Variants in BAHD1 observed in about 807,000 individuals in gnomAD.
BAHD1 encodes the protein bromo adjacent homology domain-containing 1 protein.
In BAHD1, 20 loss-of-function variants were observed where a neutral mutation model predicts 63.1. The ratio of observed to expected loss-of-function variants is 0.32; its 90% CI spans 0.22 to 0.46. The LOEUF (loss-of-function observed/expected upper bound fraction) is 0.46, where lower values mean the gene tolerates loss of function less well. Ranked by LOEUF, BAHD1 falls within the 20% of genes least tolerant of loss-of-function variation. The pLI is 1.00. For synonymous variants in BAHD1, 408 were observed against 426.8 expected, an observed-to-expected ratio of 0.96 and a Z score of 0.54; for missense variants, 939 against 1,071.8, an observed-to-expected ratio of 0.88 and a Z score of 1.73.
At position 40,458,350 on chromosome 15, in the gene BAHD1, A is replaced by G. The variant is rs1178615637; in HGVS notation, c.-14-101A>G. ...ACTGGAGACAGGGTAGTTGTAGGCC[A>G]GGATCACTGCACCTGGGGCTGGGTA... On this transcript the variant is annotated intron_variant, in intron 1 of 6. Coordinates refer to ENST00000416165, the MANE Select transcript of BAHD1 (RefSeq NM_014952.5). The surrounding 1 kb of genome is among the most constrained non-coding windows in gnomAD (Gnocchi z 4.7). 4.1e-6 allele frequency: 6 copies of G among 1,459,810 alleles called. No individual in the cohort carries two copies. In the East Asian group the frequency reaches 7.0e-5, roughly 17 times the overall value. 90.4% of individuals were successfully genotyped at this position (1,459,810 alleles called of 1,614,324 possible). A position where few individuals can be genotyped will look rare whatever the true frequency, so the allele number is the denominator to read the frequency against.
At chr15:40,451,777 T>C (rs1893710654) in intron 1 of BAHD1, among the ~76,000 whole-genome samples, 1 of 152,206 alleles carries the variant, frequency 6.6e-6, no homozygotes. Flanking sequence ...GGGGCAGGCT[T>C]AGCTGGGCTA....
chr15:40,449,479 G>A (rs534467336), intron 1 of BAHD1, among the ~76,000 whole-genome samples: 10 of 152,198 alleles, frequency 6.6e-5, no homozygotes, highest in African/African-American at 2.4e-4. Context: ...GCTTTCCAGA[G>A]GTAGCTGGGC....
chr15:40,445,445 G>A (rs957048309), intron 1 of BAHD1, among the ~76,000 whole-genome samples: 1 of 152,144 alleles, frequency 6.6e-6, no homozygotes, highest in Non-Finnish European at 1.5e-5. Flanking sequence ...TCACCTCTCT[G>A]TTCCAGCATC....
At position 40,464,041 on chromosome 15, in the gene BAHD1, G is replaced by C. The variant is rs368995400; in HGVS notation, c.1975+21G>C. On this transcript the variant is annotated intron_variant, in intron 4 of 6. Transcript: ENST00000416165. ...GTCAGGTACCTCTCCCTCTGGCTGGGGACCCAAGGGGCAGCTGCCTTCAGC... is the reference window on the plus strand; with the variant it reads ...GTCAGGTACCTCTCCCTCTGGCTGGCGACCCAAGGGGCAGCTGCCTTCAGC... The C allele has an allele frequency of 1.7e-5, 28 of 1,612,420 alleles. No individual in the cohort carries two copies. The African/African-American group carries it at 3.1e-4, about 18-fold the overall frequency.
intron 1 of BAHD1, among the ~76,000 whole-genome samples, chr15:40,452,035 A>G (rs901496916): frequency 6.6e-6 from 1 of 152,208 alleles, no homozygotes; most frequent in East Asian, 1.9e-4. Flanking sequence ...TTGTATAGCA[A>G]CTTCTAGATA....
rs564303133 is a variant in BAHD1, at chr15:40,463,884, A to T, written c.1839A>T (p.Arg613=). 1 of 1,614,226 alleles carries T rather than the reference A, an allele frequency of 6.2e-7. No homozygotes were observed. Among genetic ancestry groups the T allele is most frequent in the East Asian group, 2.2e-5 (1 of 44,886 alleles). The change falls in exon 4 of 7, where the codon CGA becomes CGT. Residue 613 remains arginine, a synonymous_variant. Transcript: ENST00000416165. ...YVLDEPEPAI[R]KSYQAVERHG... ...AGGATGAGCCGGAGCCAGCCATCCG[A>T]AAGAGCTACCAGGCGGTAGAGCGGC...
At chr15:40,465,147 G>T (rs747015623) in intron 5 of BAHD1, 188 bp from the exon 6 acceptor site, 2 of 596,820 alleles carry the variant, frequency 3.4e-6, no homozygotes, top group Non-Finnish European at 6.0e-6. Context: ...GAGAAGGGGG[G>T]GACCTAGAAG....
upstream of BAHD1, among the ~76,000 whole-genome samples, chr15:40,440,822 G>A (rs1387901424): frequency 6.6e-6 from 1 of 152,130 alleles, no homozygotes; most frequent in Non-Finnish European, 1.5e-5. Context: ...AGGGGGAGCC[G>A]AGGGCCGGAT....
At chr15:40,465,202 G>C in intron 5 of BAHD1, 133 bp from the exon 6 acceptor site, 1 of 735,278 alleles carries the variant, frequency 1.4e-6, no homozygotes, top group South Asian at 1.7e-5. Flanking sequence ...GGCATACTTA[G>C]GCTGAATTTC....
upstream of BAHD1, among the ~76,000 whole-genome samples, chr15:40,438,500 C>T (rs1893322020): frequency 6.6e-6 from 1 of 152,044 alleles, no homozygotes. Context: ...GTCAGAGCCT[C>T]CTGGGGCAGC....
chr15:40,441,676 C>T (rs1242760048), intron 1 of BAHD1, among the ~76,000 whole-genome samples: 11 of 147,576 alleles, frequency 7.5e-5, no homozygotes, highest in Admixed American at 7.4e-4. Flanking sequence ...TTCCTCGCCG[C>T]GGCGGAGCCG....
Position 40,459,812 on chromosome 15 carries a change from A to T in BAHD1, c.1348A>T (p.Ser450Cys), listed in dbSNP as rs201303207. 1 of 1,613,352 alleles carries T rather than the reference A, an allele frequency of 6.2e-7. No homozygotes were observed. Among genetic ancestry groups the T allele is most frequent in the Non-Finnish European group, 8.5e-7 (1 of 1,179,894 alleles). The change falls in exon 2 of 7, where the codon AGC becomes TGC. Residue 450 changes from serine to cysteine, a missense_variant. This residue lies in a region of BAHD1 where 797 missense variants were observed against 813.3 expected (regional missense o/e 0.98). Transcript: ENST00000416165. ...CGAGGACACTGGAGTGAATGGCTAC[A>T]GCATCTGCGGAGTGTTGCCCCTGTC... ...SSEDTGVNGYSICGVLPLSVT... is the reference protein window; with the variant it reads ...SSEDTGVNGYCICGVLPLSVT...
Position 40,459,099 on chromosome 15 carries a change from T to A in BAHD1, c.635T>A (p.Phe212Tyr). 1 of 1,612,984 alleles carries A rather than the reference T, an allele frequency of 6.2e-7. No individual in the cohort carries two copies. Among genetic ancestry groups the A allele is most frequent in the Non-Finnish European group, 8.5e-7 (1 of 1,179,828 alleles). Residue 212 changes from phenylalanine to tyrosine, a missense_variant, in exon 2 of 7, where the codon TTC becomes TAC. Physicochemically the swap from Phe to Tyr is conservative, Grantham distance 22. Coordinates refer to ENST00000416165, the MANE Select transcript of BAHD1 (RefSeq NM_014952.5). ...CTGGCTAGCCTGAACGCAGCTGCTTTCCTAAAACTGAGCCAGGAGCGGGAG... is the reference window on the plus strand; with the variant it reads ...CTGGCTAGCCTGAACGCAGCTGCTTACCTAAAACTGAGCCAGGAGCGGGAG... ...KRLASLNAAA[F>Y]LKLSQERELP...
At chr15:40,463,767 TGAG>T in intron 3 of BAHD1, 91 bp from the exon 4 acceptor site, 1 of 1,419,364 alleles carries the variant, frequency 7.0e-7, no homozygotes, top group Non-Finnish European at 9.6e-7. Context: ...TTGACTATCT[TGAG>T]GAAATCGTGG....
At chr15:40,461,567 G>C (rs917529025) in intron 2 of BAHD1, among the ~76,000 whole-genome samples, 1 of 152,056 alleles carries the variant, frequency 6.6e-6, no homozygotes, top group Non-Finnish European at 1.5e-5. Flanking sequence ...TTGAACCCGA[G>C]AGGCGGAGGT....
chr15:40,447,829 T>G (rs1426722122), intron 1 of BAHD1, among the ~76,000 whole-genome samples: 4 of 152,266 alleles, frequency 2.6e-5, no homozygotes, highest in African/African-American at 9.6e-5. Context: ...GGTAGATGCA[T>G]GGTTGGGGGT....
intron 1 of BAHD1, among the ~76,000 whole-genome samples, chr15:40,455,261 A>G (rs1275740856): frequency 6.6e-6 from 1 of 152,180 alleles, no homozygotes; most frequent in Non-Finnish European, 1.5e-5. Flanking sequence ...GCACCCTGTG[A>G]TTCAGACGCT....
At chr15:40,444,664 A>G (rs1893487357) in intron 1 of BAHD1, among the ~76,000 whole-genome samples, 1 of 152,134 alleles carries the variant, frequency 6.6e-6, no homozygotes, top group Non-Finnish European at 1.5e-5. Flanking sequence ...GGCATCACCA[A>G]CATAAGAGGC....
chr15:40,459,754 C>G lies in BAHD1; in HGVS notation c.1290C>G (p.His430Gln). ...SSVPSGTPFQ[H>Q]PPWGSSRYCS... ...TGCCCTCAGGCACCCCTTTCCAGCA[C>G]CCTCCCTGGGGCTCCTCTCGCTACT... Residue 430 changes from histidine (H) to glutamine (Q), a missense_variant, in exon 2 of 7, where the codon CAC becomes CAG. By Grantham distance (24) the His-to-Gln change is conservative (BLOSUM62 0). Transcript: ENST00000416165. 6.2e-7 allele frequency: 1 copy of G among 1,614,000 alleles called. No individual in the cohort carries two copies. Among genetic ancestry groups the G allele is most frequent in the Non-Finnish European group, 8.5e-7 (1 of 1,180,030 alleles).
Sources: allele counts gnomAD v4.1 joint callset (sites outside exome capture counted in the v4.1 genomes callset), GRCh38; gene constraint gnomAD v4.1.1; regional missense constraint gnomAD v4.1.1; non-coding constraint Gnocchi (gnomAD v3.1); transcripts MANE v1.5; gene names NCBI Gene and HGNC (gene_info 2026-07-23, HGNC 2026-07-21).